Variants in CDH23 observed in about 807,000 individuals in gnomAD.
CDH23 encodes cadherin related 23, also known as cadherin-23.
Under a neutral mutation model 317.1 loss-of-function variants are expected in CDH23, and 189 were observed. The observed-to-expected ratio is 0.60, with a 90% confidence interval of 0.53 to 0.67. CDH23 has a LOEUF of 0.67. Among genes scored for constraint, CDH23 ranks in the 30% least tolerant of loss-of-function variants. The probability of loss-of-function intolerance (pLI) is 0.00; values close to 1 mark genes in which losing one functional copy is unlikely to be tolerated. For missense variants in CDH23, 4,401 were observed against 4,592.4 expected (o/e 0.96, Z 1.20); for synonymous variants, 1,839 against 1,876.8 (o/e 0.98, Z 0.52).
intron 44 of CDH23, among the ~76,000 whole-genome samples, chr10:71,786,646 C>A (rs976277443): frequency 6.6e-6 from 1 of 151,978 alleles, no homozygotes; most frequent in Non-Finnish European, 1.5e-5. Context: ...TACATGCACA[C>A]GCCACCTTGC....
At chr10:71,713,757 TC>T (rs1866090643) in intron 28 of CDH23, 1 of 163,184 alleles carries the variant, frequency 6.1e-6, no homozygotes, top group Non-Finnish European at 1.3e-5. Flanking sequence ...CCTGGACTTT[TC>T]CTTCTTCAGG....
intron 2 of CDH23, among the ~76,000 whole-genome samples, chr10:71,442,222 T>C (rs375657214): frequency 6.6e-6 from 1 of 152,246 alleles, no homozygotes; most frequent in South Asian, 2.1e-4. Context: ...TCGGCCTGCA[T>C]GTGGACTAGC....
At chr10:71,646,706 G>T in intron 14 of CDH23, 89 bp downstream of exon 14, 1 of 1,613,014 alleles carries the variant, frequency 6.2e-7, no homozygotes, top group East Asian at 2.2e-5. Context: ...AGGGACCTCA[G>T]CAATCAGGGA....
At chr10:71,573,852 A>G (rs2132385818) in intron 8 of CDH23, among the ~76,000 whole-genome samples, 1 of 152,190 alleles carries the variant, frequency 6.6e-6, no homozygotes, top group African/African-American at 2.4e-5. Flanking sequence ...CCGTGTCCAC[A>G]CATCTCTGCC....
intron 6 of CDH23, among the ~76,000 whole-genome samples, chr10:71,546,903 A>G (rs1033082613): frequency 6.6e-6 from 1 of 152,222 alleles, no homozygotes; most frequent in Non-Finnish European, 1.5e-5. Flanking sequence ...ATATTTGTTG[A>G]ATGAATGAGA....
At chr10:71,790,195 A>T (rs953150577) in intron 45 of CDH23, 93 bp from the exon 46 acceptor site, 1 of 1,517,428 alleles carries the variant, frequency 6.6e-7, no homozygotes, top group Non-Finnish European at 8.9e-7. Flanking sequence ...CCTCTCATCC[A>T]TCGTCAGCCA....
At chr10:71,715,475 A>G (rs954034451) in intron 28 of CDH23, 2 of 153,534 alleles carry the variant, frequency 1.3e-5, no homozygotes, top group Non-Finnish European at 2.9e-5. Flanking sequence ...GGGCCAGCAC[A>G]GATGCCAGGA....
At chr10:71,528,748 G>A (rs1855188096) in intron 6 of CDH23, among the ~76,000 whole-genome samples, 1 of 152,200 alleles carries the variant, frequency 6.6e-6, no homozygotes, top group Admixed American at 6.5e-5. Flanking sequence ...CACCCTGGGG[G>A]CCCAAGCCTG....
At chr10:71,426,542 G>T (rs1272176090) in intron 1 of CDH23, among the ~76,000 whole-genome samples, 1 of 152,156 alleles carries the variant, frequency 6.6e-6, no homozygotes, top group Non-Finnish European at 1.5e-5. Context: ...CTTTCTGGCT[G>T]GGAGTGAGAG....
chr10:71,646,729 C>T, intron 14 of CDH23, 112 bp downstream of exon 14: 1 of 1,610,924 alleles, frequency 6.2e-7, no homozygotes, highest in East Asian at 2.2e-5. Context: ...GAGGCACCCC[C>T]AAATCCCTGA....
At chr10:71,515,809 A>G (rs1854305493) in intron 6 of CDH23, among the ~76,000 whole-genome samples, 1 of 152,246 alleles carries the variant, frequency 6.6e-6, no homozygotes, top group Non-Finnish European at 1.5e-5. Flanking sequence ...GGTGATTAAG[A>G]CCAAGGTCTT....
chr10:71,734,704 C>A, intron 34 of CDH23, 46 bp downstream of exon 34: 1 of 1,276,588 alleles, frequency 7.8e-7, no homozygotes. Context: ...TTGGCTGTGG[C>A]CAGTGCTGGC....
At chr10:71,620,946 C>A (rs554966827) in intron 11 of CDH23, among the ~76,000 whole-genome samples, 1 of 152,154 alleles carries the variant, frequency 6.6e-6, no homozygotes, top group Admixed American at 6.5e-5. Flanking sequence ...CGGAGCTGGC[C>A]GGGTGAATGC....
intron 11 of CDH23, among the ~76,000 whole-genome samples, chr10:71,641,222 G>A (rs55896331): frequency 3.6e-4 from 55 of 152,314 alleles, no homozygotes; most frequent in African/African-American, 1.3e-3. Flanking sequence ...TGGGGAGCAC[G>A]AGAGAAATGT....
chr10:71,450,391 G>A (rs534968396), intron 3 of CDH23, among the ~76,000 whole-genome samples: 164 of 151,632 alleles, frequency 1.1e-3, no homozygotes, highest in African/African-American at 3.8e-3. Flanking sequence ...TCAGCCTCCT[G>A]GGTAGCTGGG....
chr10:71,690,574 T>C lies in CDH23; in HGVS notation c.2166T>C (p.Asn722=), dbSNP rs747805887. Residue 722 remains asparagine (N), a synonymous_variant, in exon 20 of 70, where the codon AAT becomes AAC. Transcript: ENST00000224721. ...SLEGSTQFRI[N]ARSGEITTTS... is the part of the protein sequence containing the mutation. ...AAGGCTCCACCCAGTTTCGGATCAA[T>C]GCCCGCTCAGGTGAGCCCCCCCACC... 6.3e-7 allele frequency: 1 copy of C among 1,599,328 alleles called. No homozygotes were observed. Among genetic ancestry groups the C allele is most frequent in the Admixed American group, 1.7e-5 (1 of 58,688 alleles).
At chr10:71,476,673 TAGAC>T (rs1459316255) in intron 3 of CDH23, among the ~76,000 whole-genome samples, 1 of 152,166 alleles carries the variant, frequency 6.6e-6, no homozygotes, top group East Asian at 1.9e-4. Context: ...ATATATCACA[TAGAC>T]AGAAGGGTGT....
rs397517309 is a variant in CDH23, at chr10:71,677,525, C to T, written c.1584C>T (p.Arg528=). 8.4e-5 allele frequency: 135 copies of T among 1,612,204 alleles called. No individual in the cohort carries two copies. The East Asian group carries it at 2.7e-3, about 32-fold the overall frequency. The change falls in exon 16 of 70, where the codon CGC becomes CGT. Residue 528 remains arginine, a synonymous_variant. Coordinates refer to ENST00000224721, the MANE Select transcript of CDH23 (RefSeq NM_022124.6). ...GGCTGGACTATGAGCTCATCCAGCGCTTCACCCTGACGATCATTGCCCGGG... is the reference window on the plus strand; with the variant it reads ...GGCTGGACTATGAGCTCATCCAGCGTTTCACCCTGACGATCATTGCCCGGG... ...IARLDYELIQ[R]FTLTIIARDG... is the part of the protein sequence containing the mutation.
chr10:71,682,531 C>T lies in CDH23; in HGVS notation c.1945C>T (p.Pro649Ser). 1 of 1,613,720 alleles carries T rather than the reference C, an allele frequency of 6.2e-7. No homozygotes were observed. The highest frequency in any genetic ancestry group is 8.5e-7 in the Non-Finnish European group (1 of 1,179,798). The change falls in exon 18 of 70, where the codon CCC becomes TCC. Residue 649 changes from proline (P) to serine (S), a missense_variant. Transcript: ENST00000224721. ...GGTCATGGCCATGGATGCTGGCAAC[C>T]CCCCTCTCAACAGCACCGTCCCTGT... ...LTVMAMDAGN[P>S]PLNSTVPVTI...
Sources: gnomAD v4.1 joint callset for allele counts (sites outside exome capture counted in the v4.1 genomes callset) on GRCh38, gnomAD v4.1.1 for gene constraint, MANE v1.5 for transcripts, NCBI Gene and HGNC (gene_info 2026-07-23, HGNC 2026-07-21) for gene names.